ULK4: variants seen among roughly 807,000 people sequenced by gnomAD.
The protein encoded by ULK4 is inactive serine/threonine-protein kinase ULK4.
A neutral mutation model predicts 160.6 loss-of-function variants in ULK4; 133 were observed. The ratio of observed to expected loss-of-function variants is 0.83; its 90% CI spans 0.72 to 0.96. The LOEUF is 0.96. Among genes scored for constraint, ULK4 ranks in the 40% least tolerant of loss-of-function variants. The probability of loss-of-function intolerance (pLI) is 0.00; values close to 1 mark genes in which losing one functional copy is unlikely to be tolerated. For synonymous variants in ULK4, 534 were observed against 539.8 expected, an observed-to-expected ratio of 0.99 and a Z score of 0.15; for missense variants, 1,580 against 1,499.5, an observed-to-expected ratio of 1.05 and a Z score of -0.89.
At chr3:41,792,119 C>T (rs919688023) in intron 20 of ULK4, among the ~76,000 whole-genome samples, 3 of 152,006 alleles carry the variant, frequency 2.0e-5, no homozygotes, top group Non-Finnish European at 4.4e-5. Context: ...ATCTAAATTC[C>T]AAATTGCATG....
chr3:41,509,852 T>C (rs2132332), intron 32 of ULK4, among the ~76,000 whole-genome samples: 11,199 of 152,190 alleles, frequency 0.074, 571 homozygotes, highest in Admixed American at 0.13. Flanking sequence ...ATCCTTGAAA[T>C]ACACCAAAAT....
intron 21 of ULK4, among the ~76,000 whole-genome samples, chr3:41,771,110 T>C (rs899898191): frequency 1.3e-5 from 2 of 152,196 alleles, no homozygotes; most frequent in East Asian, 1.9e-4. Flanking sequence ...ACCATAAGAA[T>C]AGCTCACTCC....
intron 35 of ULK4, among the ~76,000 whole-genome samples, chr3:41,328,678 C>T (rs67785066): frequency 0.24 from 36,041 of 151,882 alleles, 4,444 homozygotes; most frequent in African/African-American, 0.27. Context: ...CTTCCTGATA[C>T]GAGATTTGTT....
chr3:41,781,216 G>A (rs9842261), intron 21 of ULK4, among the ~76,000 whole-genome samples: 45,852 of 151,868 alleles, frequency 0.3, 9,782 homozygotes, highest in African/African-American at 0.61. Flanking sequence ...GAGAAGGTCA[G>A]GAAAATATGA....
At chr3:41,803,127 C>T (rs1022715623) in intron 19 of ULK4, among the ~76,000 whole-genome samples, 14 of 146,420 alleles carry the variant, frequency 9.6e-5, no homozygotes, top group Admixed American at 4.7e-4. Context: ...GCCAAGATCG[C>T]ACCACTGCAC....
At chr3:41,646,902 A>T (rs1219195520) in intron 30 of ULK4, among the ~76,000 whole-genome samples, 15 of 151,140 alleles carry the variant, frequency 9.9e-5, no homozygotes, top group African/African-American at 2.4e-4. Flanking sequence ...CTTTTTATTC[A>T]TTTTTCTCTA....
intron 27 of ULK4, among the ~76,000 whole-genome samples, chr3:41,694,146 A>G (rs1039882662): frequency 3.9e-5 from 6 of 152,236 alleles, no homozygotes; most frequent in Non-Finnish European, 5.9e-5. Flanking sequence ...AAACTTCCAC[A>G]AAGGGACACA....
intron 22 of ULK4, among the ~76,000 whole-genome samples, chr3:41,746,982 AACTTTAT>A (rs748746817): frequency 2.6e-5 from 4 of 152,084 alleles, no homozygotes; most frequent in South Asian, 2.1e-4. Flanking sequence ...CCTCTAACTA[AACTTTAT>A]ACTTTATGCG....
intron 17 of ULK4, among the ~76,000 whole-genome samples, chr3:41,862,795 C>T (rs535245564): frequency 8.0e-5 from 12 of 150,838 alleles, no homozygotes; most frequent in Non-Finnish European, 1.5e-4. Flanking sequence ...CCGCTCCCCC[C>T]CCCCTTTCTC....
intron 25 of ULK4, among the ~76,000 whole-genome samples, chr3:41,714,263 T>C (rs983220133): frequency 6.6e-6 from 1 of 152,156 alleles, no homozygotes; most frequent in Non-Finnish European, 1.5e-5. Flanking sequence ...CTGCATTGCT[T>C]CCTAAAAATC....
At chr3:41,306,398 C>A (rs1367270613) in intron 35 of ULK4, among the ~76,000 whole-genome samples, 1 of 140,338 alleles carries the variant, frequency 7.1e-6, no homozygotes, top group African/African-American at 3.0e-5. Flanking sequence ...AGGTGAGGGG[C>A]GCCTCTGCCC....
chr3:41,814,443 G>A (rs755237799), intron 19 of ULK4, among the ~76,000 whole-genome samples: 26 of 152,116 alleles, frequency 1.7e-4, no homozygotes, highest in African/African-American at 5.8e-4. Flanking sequence ...GGCTCAGTAC[G>A]TATATACTTG....
At chr3:41,270,718 A>C (rs2079124976) in intron 35 of ULK4, among the ~76,000 whole-genome samples, 1 of 152,192 alleles carries the variant, frequency 6.6e-6, no homozygotes, top group Non-Finnish European at 1.5e-5. Flanking sequence ...TAATGTCCTC[A>C]TTTTATACGA....
intron 32 of ULK4, among the ~76,000 whole-genome samples, chr3:41,559,025 C>A (rs113993526): frequency 0.33 from 35,658 of 107,458 alleles, 7,859 homozygotes; most frequent in Middle Eastern, 0.49. Flanking sequence ...ATCCCTCCCC[C>A]CTACCCCCAC....
chr3:41,260,654 G>A (rs1316626456), intron 35 of ULK4, among the ~76,000 whole-genome samples: 1 of 152,168 alleles, frequency 6.6e-6, no homozygotes, highest in African/African-American at 2.4e-5. Context: ...GATCACCAAG[G>A]GTAAGGGGGT....
chr3:41,634,617 G>T (rs2125707636), intron 30 of ULK4, among the ~76,000 whole-genome samples: 1 of 152,342 alleles, frequency 6.6e-6, no homozygotes, highest in African/African-American at 2.4e-5. Flanking sequence ...CAGCAAGAAA[G>T]CGGGAGCCCA....
intron 32 of ULK4, among the ~76,000 whole-genome samples, chr3:41,552,997 T>C (rs2087133032): frequency 2.6e-5 from 4 of 152,028 alleles, no homozygotes; most frequent in Admixed American, 2.0e-4. Flanking sequence ...AAACATACAA[T>C]GGAGATAGGG....
intron 35 of ULK4, among the ~76,000 whole-genome samples, chr3:41,259,413 T>C (rs1012952721): frequency 5.9e-5 from 9 of 152,208 alleles, no homozygotes; most frequent in Admixed American, 2.6e-4. Flanking sequence ...CCCCTGATAA[T>C]GGCAGAACCC....
chr3:41,737,999 C>T (rs1453755409), intron 22 of ULK4, among the ~76,000 whole-genome samples: 1 of 151,930 alleles, frequency 6.6e-6, no homozygotes, highest in Non-Finnish European at 1.5e-5. Flanking sequence ...AAATCTGGTA[C>T]ATCCCCTCTC....
Sources: allele counts gnomAD v4.1 joint callset (sites outside exome capture counted in the v4.1 genomes callset), GRCh38; gene constraint gnomAD v4.1.1; transcripts MANE v1.5; gene names NCBI Gene and HGNC (gene_info 2026-07-23, HGNC 2026-07-21).